Variants in WDPCP observed in about 807,000 individuals in gnomAD.
WDPCP encodes the protein WD repeat-containing and planar cell polarity effector protein fritz homolog.
WDPCP carries 71 observed loss-of-function variants against 93.1 expected under a neutral mutation model. The observed-to-expected ratio is 0.76, with a 90% CI of 0.63 to 0.93. The LOEUF (loss-of-function observed/expected upper bound fraction) is 0.93, where lower values mean the gene tolerates loss of function less well. WDPCP is among the 40% of genes least tolerant of loss of function. The pLI, the probability that WDPCP is intolerant of heterozygous loss-of-function variation, is 0.00. For synonymous variants in WDPCP, 315 were observed against 315.0 expected (o/e 1.00, Z 0.00); for missense variants, 844 against 887.4 (o/e 0.95, Z 0.62).
At chr2:63,262,321 G>A (rs536740825) in intron 13 of WDPCP, among the ~76,000 whole-genome samples, 1 of 152,058 alleles carries the variant, frequency 6.6e-6, no homozygotes, top group South Asian at 2.1e-4. Context: ...TTAAAATACA[G>A]ACATACACAT....
intron 14 of WDPCP, among the ~76,000 whole-genome samples, chr2:63,238,117 A>G (rs1477628205): frequency 2.0e-5 from 3 of 152,178 alleles, no homozygotes; most frequent in African/African-American, 7.2e-5. Flanking sequence ...TTATAGCAAT[A>G]ATACAAATTT....
chr2:63,616,678 T>C lies in WDPCP; in HGVS notation n.488+33981A>G, dbSNP rs140026878. Among the ~76,000 whole-genome samples, 469 of 152,278 alleles carry C rather than the reference T, an allele frequency of 3.1e-3. 4 individuals are homozygous for C. Among genetic ancestry groups the C allele is most frequent in the African/African-American group, 0.01 (435 of 41,562 alleles). On this transcript the variant is annotated intron_variant and non_coding_transcript_variant, in intron 3 of 4. Coordinates refer to the WDPCP transcript ENST00000467687. ...ATATTACTCTCCTCCCTTCCTCCTATATTAGAATGCAAATAAGTAGCATTA... is the reference window on the plus strand; with the variant it reads ...ATATTACTCTCCTCCCTTCCTCCTACATTAGAATGCAAATAAGTAGCATTA...
chr2:63,322,302 C>A (rs1389502732), intron 12 of WDPCP, among the ~76,000 whole-genome samples: 12 of 152,196 alleles, frequency 7.9e-5, no homozygotes, highest in Admixed American at 7.9e-4. Flanking sequence ...TGTGGGTGGG[C>A]CCAGATAAGG....
At chr2:63,684,451 C>T (rs1041823172) in intron 2 of WDPCP, 2 of 836,944 alleles carry the variant, frequency 2.4e-6, no homozygotes, top group Non-Finnish European at 4.1e-6. Context: ...TTGACTGCTA[C>T]CCCCGCAAAG....
intron 1 of WDPCP, chr2:63,571,729 C>G: frequency 2.3e-6 from 1 of 428,074 alleles, no homozygotes; most frequent in South Asian, 1.7e-5. Context: ...TTCTTGGACA[C>G]AAGACCATCA....
intron 10 of WDPCP, among the ~76,000 whole-genome samples, chr2:63,382,461 T>C (rs1471352052): frequency 6.6e-6 from 1 of 152,144 alleles, no homozygotes; most frequent in Non-Finnish European, 1.5e-5. Flanking sequence ...CCAAGGTTTT[T>C]TGCTTGTTTT....
rs369260139 is a variant in WDPCP at position 63,284,281 on chromosome 2, TC to T, written c.1813-24873del. On this transcript the variant is annotated intron_variant, in intron 13 of 17. Transcript: ENST00000272321. The stretch of plus-strand genomic sequence containing the variant: ...TATAACTTAAACATGCATAAAGTAG[TC>T]CCCCCTTACCTGTGGGGGGTCCCCA... Among the ~76,000 whole-genome samples, 669 of 152,212 alleles carry T rather than the reference TC, an allele frequency of 4.4e-3. 5 individuals carry two copies. Among genetic ancestry groups the T allele is most frequent in the African/African-American group, 0.016 (649 of 41,546 alleles).
chr2:63,248,322 C>T (rs1680448820), intron 14 of WDPCP, among the ~76,000 whole-genome samples: 1 of 152,164 alleles, frequency 6.6e-6, no homozygotes, highest in African/African-American at 2.4e-5. Context: ...CAGAATCCCT[C>T]ATTATTGAGA....
At chr2:63,291,808 CAAA>C (rs58542222) in intron 13 of WDPCP, among the ~76,000 whole-genome samples, 1 of 133,032 alleles carries the variant, frequency 7.5e-6, no homozygotes. Context: ...GATTCTCTTA[CAAA>C]AAAAAAAAAA....
intron 6 of WDPCP, among the ~76,000 whole-genome samples, chr2:63,451,802 A>G (rs1293672003): frequency 6.6e-6 from 1 of 152,226 alleles, no homozygotes; most frequent in East Asian, 1.9e-4. Flanking sequence ...ATGCAAATCA[A>G]TAAACGTAAT....
chr2:63,588,959 CT>C, upstream of WDPCP: 1 of 1,601,324 alleles, frequency 6.2e-7, no homozygotes, highest in Non-Finnish European at 8.6e-7. Flanking sequence ...CGCTCGCCCT[CT>C]CCGAGTCAGT....
intron 14 of WDPCP, among the ~76,000 whole-genome samples, chr2:63,210,439 C>T (rs1676684944): frequency 6.6e-6 from 1 of 152,122 alleles, no homozygotes; most frequent in Non-Finnish European, 1.5e-5. Flanking sequence ...ACTTTACACA[C>T]ATTTAAAACT....
chr2:63,144,570 A>G (rs979208994), intron 17 of WDPCP, among the ~76,000 whole-genome samples: 1 of 152,168 alleles, frequency 6.6e-6, no homozygotes, highest in African/African-American at 2.4e-5. Context: ...TCACATTTCT[A>G]AAAGTGTGTC....
intron 2 of WDPCP, among the ~76,000 whole-genome samples, chr2:63,790,800 C>A (rs1007678454): frequency 6.6e-6 from 1 of 152,158 alleles, no homozygotes; most frequent in African/African-American, 2.4e-5. Context: ...AATAACTGGA[C>A]TCTTCTATGC....
chr2:63,269,743 A>G (rs1682466816), intron 13 of WDPCP, among the ~76,000 whole-genome samples: 1 of 152,208 alleles, frequency 6.6e-6, no homozygotes, highest in Non-Finnish European at 1.5e-5. Flanking sequence ...ATACATATTT[A>G]TGATTACTGT....
intron 3 of WDPCP, chr2:63,594,608 T>C (rs1004122759): frequency 6.0e-6 from 9 of 1,503,812 alleles, no homozygotes; most frequent in Non-Finnish European, 8.3e-6. Context: ...TGTCTATAAA[T>C]CTTAAGTTAT....
At position 63,581,407 on chromosome 2, in the gene WDPCP, A is replaced by T. The variant is rs549688447; in HGVS notation, c.75+6790T>A. 2.6e-5 allele frequency among the ~76,000 whole-genome samples: 4 copies of T among 152,318 alleles called. No individual in the cohort carries two copies. The South Asian group carries it at 6.2e-4, about 24-fold the overall frequency. On this transcript the variant is annotated intron_variant, in intron 1 of 17. Coordinates refer to ENST00000272321, the MANE Select transcript of WDPCP (RefSeq NM_015910.7). ...CACAGCACATGCATATGATCAAACC[A>T]TGAGGCTGGAGAAAGAGCAACTAGA... is the stretch of plus-strand genomic sequence containing the variant.
the WDPCP span, among the ~76,000 whole-genome samples, chr2:63,835,908 G>A: frequency 2.8e-4 from 42 of 152,154 alleles, no homozygotes; most frequent in African/African-American, 9.4e-4. Flanking sequence ...AGGCTGGAGT[G>A]CAGTGGCGTG....
intron 6 of WDPCP, among the ~76,000 whole-genome samples, chr2:63,461,487 G>A (rs898578417): frequency 3.9e-5 from 6 of 152,072 alleles, no homozygotes; most frequent in Non-Finnish European, 7.4e-5. Context: ...CATGCTTCTT[G>A]TACAGCCTGC....
Sources: allele counts gnomAD v4.1 joint callset (sites outside exome capture counted in the v4.1 genomes callset), GRCh38; gene constraint gnomAD v4.1.1; transcripts MANE v1.5; gene names NCBI Gene and HGNC (gene_info 2026-07-23, HGNC 2026-07-21).